The following RGS7 variants were observed in gnomAD, a reference collection of about 807,000 sequenced individuals.
RGS7 encodes regulator of G protein signaling 7.
In RGS7, 27 loss-of-function variants were observed where a neutral mutation model predicts 81.1. The observed-to-expected ratio is 0.33, with a 90% CI of 0.25 to 0.46. The LOEUF (loss-of-function observed/expected upper bound fraction) is 0.46. Among genes scored for constraint, RGS7 ranks in the 20% least tolerant of loss-of-function variants. The probability of loss-of-function intolerance (pLI) is 1.00; values close to 1 mark genes in which losing one functional copy is unlikely to be tolerated. For synonymous variants in RGS7, 208 were observed against 207.7 expected (o/e 1.00, Z -0.01); for missense variants, 396 against 607.4 (o/e 0.65, Z 3.66).
At chr1:240,932,972 C>T (rs1307112604) in intron 5 of RGS7, among the ~76,000 whole-genome samples, 5 of 145,426 alleles carry the variant, frequency 3.4e-5, no homozygotes, top group African/African-American at 7.6e-5. Flanking sequence ...CAAGCTCCGC[C>T]TCCCGGGTTC....
chr1:240,978,605 G>A (rs916588770), intron 4 of RGS7, among the ~76,000 whole-genome samples: 1 of 152,068 alleles, frequency 6.6e-6, no homozygotes, highest in African/African-American at 2.4e-5. Context: ...AAGGGAGAGA[G>A]AAAGCTAAAA....
intron 9 of RGS7, among the ~76,000 whole-genome samples, chr1:240,863,116 G>A (rs908076186): frequency 6.6e-6 from 1 of 152,088 alleles, no homozygotes; most frequent in Non-Finnish European, 1.5e-5. Context: ...CATCATACCT[G>A]GCTAATGTTT....
intron 2 of RGS7, among the ~76,000 whole-genome samples, chr1:241,292,442 A>G (rs981169471): frequency 6.6e-6 from 1 of 152,188 alleles, no homozygotes; most frequent in African/African-American, 2.4e-5. Flanking sequence ...CACAATCTCA[A>G]CAAGCAATAG....
At chr1:240,938,848 A>G (rs1260910000) in intron 4 of RGS7, among the ~76,000 whole-genome samples, 1 of 148,116 alleles carries the variant, frequency 6.8e-6, no homozygotes, top group African/African-American at 2.5e-5. Flanking sequence ...GTGTGTGTGT[A>G]TTTCCATCAT....
chr1:241,305,932 CT>C, intron 2 of RGS7: 1 of 166,802 alleles, frequency 6.0e-6, no homozygotes, highest in South Asian at 1.3e-4. Context: ...CCCACCTTCT[CT>C]TTTGTAGAAG....
Position 241,241,245 on chromosome 1 carries a change from G to C in RGS7, c.78+114454C>G, listed in dbSNP as rs570377803. 8.6e-5 allele frequency among the ~76,000 whole-genome samples: 13 copies of C among 151,828 alleles called. 1 individual carries two copies. Among genetic ancestry groups the C allele is most frequent in the Non-Finnish European group, 1.9e-4 (13 of 67,944 alleles). ...AGAAGCAGGCCTTCTTGGACCTCTT[G>C]CCCAACTTCTGGCCTTCTGATTCTA... On this transcript the variant is annotated intron_variant, in intron 2 of 18. Transcript: ENST00000440928.
At chr1:240,956,593 G>C (rs531961034) in intron 4 of RGS7, among the ~76,000 whole-genome samples, 9 of 152,162 alleles carry the variant, frequency 5.9e-5, no homozygotes, top group African/African-American at 2.2e-4. Context: ...CAATGACAAA[G>C]GGAAAAATAT....
Position 241,051,079 on chromosome 1 carries a change from G to A in RGS7, c.175+47587C>T, listed in dbSNP as rs544723689. ...TTGTACTCTTGCCCTACAAATGTTA[G>A]GGGTGGGTCTGGGTGCCTGTCCATC... is the stretch of plus-strand genomic sequence containing the variant. On this transcript the variant is annotated intron_variant, in intron 3 of 18. Coordinates refer to ENST00000440928, the MANE Select transcript of RGS7 (RefSeq NM_001364886.1). Among the ~76,000 whole-genome samples, 17 of 152,240 alleles carry A rather than the reference G, an allele frequency of 1.1e-4. No homozygotes were observed. The East Asian group carries it at 3.3e-3, about 29-fold the overall frequency.
chr1:241,047,512 A>G (rs2148793122), intron 3 of RGS7, among the ~76,000 whole-genome samples: 1 of 152,252 alleles, frequency 6.6e-6, no homozygotes. Context: ...TCCCATATCT[A>G]CATTATAACC....
At chr1:241,346,377 G>A (rs1220704124) in intron 2 of RGS7, among the ~76,000 whole-genome samples, 1 of 107,260 alleles carries the variant, frequency 9.3e-6, no homozygotes, top group African/African-American at 3.2e-5. Flanking sequence ...CATACACATA[G>A]CTGCCCCATA....
intron 3 of RGS7, among the ~76,000 whole-genome samples, chr1:241,062,498 T>A (rs573441204): frequency 1.3e-5 from 2 of 152,280 alleles, no homozygotes; most frequent in East Asian, 3.9e-4. Flanking sequence ...ATTATTTAAA[T>A]CTCTCAATGG....
chr1:240,866,460 G>C (rs916933401), intron 9 of RGS7, among the ~76,000 whole-genome samples: 1 of 151,224 alleles, frequency 6.6e-6, no homozygotes, highest in African/African-American at 2.4e-5. Context: ...GCAGTGAGCT[G>C]AGATTGAGCC....
At chr1:240,933,032 C>CA (rs1558487220) in intron 5 of RGS7, among the ~76,000 whole-genome samples, 15 of 148,952 alleles carry the variant, frequency 1.0e-4, no homozygotes, top group African/African-American at 2.7e-4. Context: ...TACAGGCGCC[C>CA]GCACCACGCC....
intron 9 of RGS7, among the ~76,000 whole-genome samples, chr1:240,847,296 C>T (rs761085617): frequency 8.5e-5 from 13 of 152,184 alleles, no homozygotes; most frequent in Non-Finnish European, 1.9e-4. Context: ...AATATTATTT[C>T]CATGTGTTCT....
At chr1:240,967,578 G>GC (rs142474133) in intron 4 of RGS7, among the ~76,000 whole-genome samples, 3 of 147,394 alleles carry the variant, frequency 2.0e-5, no homozygotes, top group African/African-American at 7.6e-5. Flanking sequence ...TGGGGGGGGG[G>GC]GGGAAAAGGC....
chr1:240,859,624 A>T (rs913033823), intron 9 of RGS7, among the ~76,000 whole-genome samples: 2 of 151,780 alleles, frequency 1.3e-5, no homozygotes, highest in African/African-American at 4.8e-5. Context: ...TAACCTGGCT[A>T]GAGGATTATT....
chr1:240,981,640 C>T (rs1192934694), intron 4 of RGS7, among the ~76,000 whole-genome samples: 1 of 152,084 alleles, frequency 6.6e-6, no homozygotes, highest in Non-Finnish European at 1.5e-5. Context: ...AATTATCTCC[C>T]CTTTCACCTG....
At chr1:241,032,436 T>G (rs923343512) in intron 3 of RGS7, among the ~76,000 whole-genome samples, 6 of 152,224 alleles carry the variant, frequency 3.9e-5, no homozygotes, top group African/African-American at 1.4e-4. Context: ...TTCTTTTTGC[T>G]TAGGATTAAA....
rs1010143202 is a variant in RGS7 at position 240,993,021 on chromosome 1, TAA to T, written c.176-9894_176-9893del. Among the ~76,000 whole-genome samples the T allele has an allele frequency of 6.4e-4, 84 of 131,356 alleles. 1 individual carries two copies. Among genetic ancestry groups the T allele is most frequent in the African/African-American group, 2.3e-3 (80 of 34,772 alleles). The allele number at this position is 131,356 out of a possible 152,430, so 86.2% of individuals were successfully genotyped here. A position where few individuals can be genotyped will look rare whatever the true frequency, so the allele number is the denominator to read the frequency against. ...AAGAGTGAAACTCCATCTCAAAAAT[TAA>T]AATGAAATTTAAAAAGAAAGAAAGA... On this transcript the variant is annotated intron_variant, in intron 3 of 18. Transcript: ENST00000440928.
Sources: gnomAD v4.1 joint callset for allele counts (sites outside exome capture counted in the v4.1 genomes callset) on GRCh38, gnomAD v4.1.1 for gene constraint, MANE v1.5 for transcripts, NCBI Gene and HGNC (gene_info 2026-07-23, HGNC 2026-07-21) for gene names.